ARHGEF10: variants seen among roughly 807,000 people sequenced by gnomAD.
ARHGEF10 encodes Rho guanine nucleotide exchange factor 10, also known as Rho guanine nucleotide exchange factor (GEF) 10.
ARHGEF10 carries 140 observed loss-of-function variants against 147.4 expected under a neutral mutation model. That is an observed-to-expected ratio of 0.95 (90% CI 0.83 to 1.09). The LOEUF (loss-of-function observed/expected upper bound fraction) is 1.09. Ranked by LOEUF, ARHGEF10 falls within the 50% of genes least tolerant of loss-of-function variation. ARHGEF10 has a pLI of 0.00. For missense variants in ARHGEF10, 2,222 were observed against 1,752.7 expected, an observed-to-expected ratio of 1.27 and a Z score of -4.78; for synonymous variants, 902 against 695.8, an observed-to-expected ratio of 1.30 and a Z score of -4.67.
In ARHGEF10 at chr8:1,832,841, CAG is replaced by C. The variant is rs1237632102; in HGVS notation, c.-48+8731_-48+8732del. On this transcript the variant is annotated intron_variant, in intron 1 of 28. Transcript: ENST00000349830. The stretch of plus-strand genomic sequence containing the variant: ...GCAGAGAGAGAGGCAGAGGCAGAGA[CAG>C]AGGCAGAGAGAGACAGAGGCAGAGG... Among the ~76,000 whole-genome samples the C allele has an allele frequency of 4.9e-5, 5 of 102,624 alleles. 1 individual carries two copies. Among genetic ancestry groups the C allele is most frequent in the Non-Finnish European group, 7.9e-5 (4 of 50,616 alleles). 67.3% of individuals were successfully genotyped at this position (102,624 alleles called of 152,430 possible). A position where few individuals can be genotyped will look rare whatever the true frequency, so the allele number is the denominator to read the frequency against.
At chr8:1,954,019 A>T (rs547051063) in intron 28 of ARHGEF10, among the ~76,000 whole-genome samples, 1 of 152,202 alleles carries the variant, frequency 6.6e-6, no homozygotes, top group Non-Finnish European at 1.5e-5. Flanking sequence ...TTCCTAATTT[A>T]TGTTTTTATT....
At chr8:1,836,299 A>T (rs549594982) in intron 1 of ARHGEF10, among the ~76,000 whole-genome samples, 2 of 152,122 alleles carry the variant, frequency 1.3e-5, no homozygotes, top group African/African-American at 2.4e-5. Context: ...CCAGGCAGGT[A>T]TGAGCTCATG....
chr8:1,825,539 T>C (rs1306441123), intron 1 of ARHGEF10, among the ~76,000 whole-genome samples: 1 of 147,392 alleles, frequency 6.8e-6, no homozygotes, highest in Non-Finnish European at 1.5e-5. Context: ...CACAGCCCGC[T>C]GGTGCCCAAG....
At chr8:1,908,226 G>GTTTTTTTTTT (rs1811057286) in intron 17 of ARHGEF10, among the ~76,000 whole-genome samples, 1 of 101,814 alleles carries the variant, frequency 9.8e-6, no homozygotes, top group African/African-American at 4.8e-5. Context: ...CCCACACTTT[G>GTTTTTTTTTT]ATTTTTTTTT....
intron 2 of ARHGEF10, among the ~76,000 whole-genome samples, chr8:1,850,485 G>A (rs530772909): frequency 1.7e-3 from 239 of 140,696 alleles, no homozygotes; most frequent in African/African-American, 5.6e-3. Flanking sequence ...CGGCAAGTGC[G>A]GAAGACGGCA....
At chr8:1,838,049 C>T (rs1803694548) in intron 1 of ARHGEF10, among the ~76,000 whole-genome samples, 1 of 152,176 alleles carries the variant, frequency 6.6e-6, no homozygotes, top group South Asian at 2.1e-4. Flanking sequence ...GGCGTTTATT[C>T]ATTGTCTCCT....
intron 1 of ARHGEF10, among the ~76,000 whole-genome samples, chr8:1,829,405 A>G (rs17064297): frequency 0.23 from 35,521 of 152,204 alleles, 4,443 homozygotes; most frequent in African/African-American, 0.29. Flanking sequence ...GGGCCGGGCC[A>G]GCTTGAAGTC....
At position 1,914,048 on chromosome 8, in the gene ARHGEF10, C is replaced by T. The variant is rs11992315; in HGVS notation, c.2143+4578C>T. 6.5e-3 allele frequency among the ~76,000 whole-genome samples: 985 copies of T among 152,238 alleles called. 9 individuals carry two copies. Among genetic ancestry groups the T allele is most frequent in the African/African-American group, 0.022 (914 of 41,538 alleles). ...CAGTACCTCCCCCACAAAATTCACA[C>T]GGTTTTAAAAAACAAAGCAAAACAC... is the stretch of plus-strand genomic sequence containing the variant. On this transcript the variant is annotated intron_variant, in intron 18 of 28. Coordinates refer to ENST00000349830, the MANE Select transcript of ARHGEF10 (RefSeq NM_014629.4).
intron 18 of ARHGEF10, among the ~76,000 whole-genome samples, chr8:1,917,753 G>A (rs34534384): frequency 0.09 from 13,755 of 152,106 alleles, 686 homozygotes; most frequent in Admixed American, 0.14. Flanking sequence ...TGATTTGCAG[G>A]TGTTTCTTTC....
chr8:1,854,901 A>T (rs907065204), intron 2 of ARHGEF10, among the ~76,000 whole-genome samples: 3 of 151,898 alleles, frequency 2.0e-5, no homozygotes, highest in Non-Finnish European at 2.9e-5. Context: ...TCAGGGTCAT[A>T]CCTGTACCTG....
chr8:1,917,662 C>T (rs574443857), intron 18 of ARHGEF10, among the ~76,000 whole-genome samples: 45 of 152,190 alleles, frequency 3.0e-4, no homozygotes, highest in African/African-American at 1.0e-3. Flanking sequence ...GTCACTGCAG[C>T]GACAAAGAAC....
chr8:1,888,946 C>CAGTGGGGTGAGAGTTATGAGGAGAG (rs1809105302), intron 11 of ARHGEF10, among the ~76,000 whole-genome samples: 1 of 106,254 alleles, frequency 9.4e-6, no homozygotes. Context: ...TGTGACGAGA[C>CAGTGGGGTGAGAGTTATGAGGAGAG]ACTGAGTGGG....
At chr8:1,945,864 C>T (rs538252535) in intron 27 of ARHGEF10, 14 of 441,920 alleles carry the variant, frequency 3.2e-5, no homozygotes, top group South Asian at 3.0e-4. Flanking sequence ...GTGCAGGGCA[C>T]AGGTCCTGAA....
At chr8:1,884,905 C>G (rs1215872478) in intron 10 of ARHGEF10, among the ~76,000 whole-genome samples, 1 of 152,132 alleles carries the variant, frequency 6.6e-6, no homozygotes, top group South Asian at 2.1e-4. Flanking sequence ...GCTGGGAGTA[C>G]AGGTGCTCAC....
At chr8:1,897,653 G>A (rs1810113430) in intron 14 of ARHGEF10, among the ~76,000 whole-genome samples, 1 of 152,240 alleles carries the variant, frequency 6.6e-6, no homozygotes, top group Non-Finnish European at 1.5e-5. Context: ...ACTGTGGACA[G>A]TTGTGGCCTC....
intron 1 of ARHGEF10, among the ~76,000 whole-genome samples, chr8:1,836,517 G>C (rs1466209398): frequency 3.3e-5 from 5 of 152,154 alleles, no homozygotes; most frequent in Non-Finnish European, 7.3e-5. Flanking sequence ...CAGAAGACAG[G>C]CTCTAGACCC....
intron 18 of ARHGEF10, among the ~76,000 whole-genome samples, chr8:1,919,917 A>ATGATGGAGCTGTTCTGTGGG (rs1812114900): frequency 1.1e-5 from 1 of 88,244 alleles, no homozygotes; most frequent in Non-Finnish European, 2.3e-5. Context: ...TGTTCTGTGG[A>ATGATGGAGCTGTTCTGTGGG]TGATGGAGCT....
At chr8:1,923,989 C>G in intron 21 of ARHGEF10, 115 bp downstream of exon 21, 1 of 986,232 alleles carries the variant, frequency 1.0e-6, no homozygotes, top group Admixed American at 2.0e-5. Flanking sequence ...ATGCATTGAC[C>G]TGAAAGAGTG....
chr8:1,909,024 G>A (rs925774784), intron 17 of ARHGEF10, among the ~76,000 whole-genome samples: 1 of 152,222 alleles, frequency 6.6e-6, no homozygotes, highest in African/African-American at 2.4e-5. Flanking sequence ...GCTGCTTCCT[G>A]TTAAGCCTTT....
Sources: gnomAD v4.1 joint callset for allele counts (sites outside exome capture counted in the v4.1 genomes callset) on GRCh38, gnomAD v4.1.1 for gene constraint, MANE v1.5 for transcripts, NCBI Gene and HGNC (gene_info 2026-07-23, HGNC 2026-07-21) for gene names.